MUC22: variants seen among roughly 807,000 people sequenced by gnomAD.
MUC22 encodes mucin-22.
MUC22 carries 24 observed loss-of-function variants against 40.3 expected under a neutral mutation model. The observed-to-expected ratio is 0.60, with a 90% CI of 0.43 to 0.84. The LOEUF is 0.84. MUC22 is among the 40% of genes least tolerant of loss of function. MUC22 has a pLI of 0.00. For synonymous variants in MUC22, 765 were observed against 844.5 expected (o/e 0.91, Z 1.63); for missense variants, 1,926 against 2,130.7 (o/e 0.90, Z 1.89).
chr6:31,029,220 T>C, exon 2 of MUC22: 1 of 1,535,362 alleles, frequency 6.5e-7, no homozygotes, highest in Non-Finnish European at 8.7e-7. Context: ...CCACAGGCTC[T>C]GAGACCACCA....
rs572018299 is a variant in MUC22 at position 31,027,803 on chromosome 6, C to T, written c.2372C>T (p.Thr791Ile). 17 of 1,534,572 alleles carry T rather than the reference C, an allele frequency of 1.1e-5. No homozygotes were observed. The African/African-American group carries it at 1.5e-4, about 14-fold the overall frequency. Reference sequence around the variant, plus strand: ...TCTGAGAACACTACAGTCTCCACCACAGGCTCTGAGACCACTACAGTTTCC... The same window carrying T: ...TCTGAGAACACTACAGTCTCCACCATAGGCTCTGAGACCACTACAGTTTCC... Residue 791 changes from threonine to isoleucine, a missense_variant, in exon 2 of 4, where the codon ACA becomes ATA. Transcript: ENST00000561890.
intron 3 of MUC22, among the ~76,000 whole-genome samples, chr6:31,033,912 C>T (rs1217376957): frequency 1.3e-5 from 2 of 152,222 alleles, no homozygotes; most frequent in African/African-American, 4.8e-5. Context: ...CTCAGCCTCT[C>T]TCCGTATGTG....
Position 31,032,285 on chromosome 6 carries a change from A to G in MUC22, c.4759A>G (p.Thr1587Ala), listed in dbSNP as rs2150811970. 6.5e-7 allele frequency: 1 copy of G among 1,535,630 alleles called. No homozygotes were observed. Among genetic ancestry groups the G allele is most frequent in the East Asian group, 2.4e-5 (1 of 40,912 alleles). The change falls in exon 3 of 4, where the codon ACT (threonine) becomes GCT (alanine). Residue 1587 changes from threonine to alanine, a missense_variant. Around this residue, in one of 3 missense-constraint regions of MUC22, gnomAD observed 610 missense variants for 714.6 expected, o/e 0.85. Transcript: ENST00000561890. The surrounding 1 kb of genome is among the most constrained non-coding windows in gnomAD (Gnocchi z 4.1). Reference sequence around the variant, plus strand: ...CTTCACGGCCTCTGCTGCCAGCCATACTGTGCCAGGAATAGTCTTAAACAC... The same window carrying G: ...CTTCACGGCCTCTGCTGCCAGCCATGCTGTGCCAGGAATAGTCTTAAACAC...
At chr6:31,016,462 G>A (rs911435624) in intron 1 of MUC22, among the ~76,000 whole-genome samples, 2 of 149,264 alleles carry the variant, frequency 1.3e-5, no homozygotes, top group Non-Finnish European at 3.0e-5. Flanking sequence ...TCTAGTGTTG[G>A]CTAATTTCTT....
chr6:31,013,287 C>T (rs745795614), intron 1 of MUC22, among the ~76,000 whole-genome samples: 2 of 151,896 alleles, frequency 1.3e-5, no homozygotes, highest in Non-Finnish European at 2.9e-5. Flanking sequence ...CCGCCACGCC[C>T]AGCTAATTTT....
In MUC22 at chr6:31,032,476, CGTG is replaced by C. The variant is rs1562625196; in HGVS notation, c.4951_4953del (p.Val1651del). On this transcript the variant is annotated inframe_deletion, in exon 3 of 4. Transcript: ENST00000561890. This position sits in a 1 kb window ranked among gnomAD's most constrained non-coding sequence, Gnocchi z 4.1. ...TTAGCATGAGCCACACACCCACAAA[CGTG>C]ATCAAACCAAGTGGATATTTACAGC... 3 of 1,535,604 alleles carry C rather than the reference CGTG, an allele frequency of 2.0e-6. No homozygotes were observed. Among genetic ancestry groups the C allele is most frequent in the Non-Finnish European group, 2.6e-6 (3 of 1,146,928 alleles).
Position 31,030,245 on chromosome 6 carries a change from C to A in MUC22, c.4669+145C>A, listed in dbSNP as rs113817080. ...ATAATTTCCTCTTCTAGGCTGGGCG[C>A]GGTGGCTCATGCCTGTAATCCCAGC... On this transcript the variant is annotated intron_variant, in intron 2 of 3. Transcript: ENST00000561890. 5.9e-3 allele frequency: 5,886 copies of A among 991,990 alleles called. 217 individuals carry two copies. The African/African-American group carries it at 0.08, about 14-fold the overall frequency. The allele number at this position is 991,990 out of a possible 1,614,324, so 61.4% of individuals were successfully genotyped here.
At chr6:31,034,429 G>A (rs1451602393) in intron 3 of MUC22, among the ~76,000 whole-genome samples, 1 of 152,182 alleles carries the variant, frequency 6.6e-6, no homozygotes, top group South Asian at 2.1e-4. Flanking sequence ...GCCTGAGTAC[G>A]CACATAAAGA....
chr6:31,027,215 C>A, exon 2 of MUC22: 1 of 1,502,374 alleles, frequency 6.7e-7, no homozygotes, highest in Non-Finnish European at 8.9e-7. Flanking sequence ...GGCTCTGAGA[C>A]CACCACAGTC....
At chr6:31,030,050 C>A in exon 2 of MUC22, 1 of 1,535,442 alleles carries the variant, frequency 6.5e-7, no homozygotes. Flanking sequence ...TTTGTACTCA[C>A]CAAGGCCACT....
chr6:31,026,960 C>A (rs1765439483), exon 2 of MUC22: 2 of 1,494,378 alleles, frequency 1.3e-6, no homozygotes, highest in Non-Finnish European at 1.8e-6. Context: ...GCAGCCTCTA[C>A]TGAAGATTCT....
exon 2 of MUC22, chr6:31,026,537 T>C: frequency 6.7e-7 from 1 of 1,482,850 alleles, no homozygotes; most frequent in Non-Finnish European, 8.9e-7. Context: ...ACCACCATGG[T>C]CTCTGCCATG....
Position 31,021,981 on chromosome 6 carries a change from C to A in MUC22, c.71-3521C>A, listed in dbSNP as rs180745722. On this transcript the variant is annotated intron_variant, in intron 1 of 3. Coordinates refer to ENST00000561890, the Ensembl canonical transcript of MUC22. ...AGGTCTGCAGCTTCACTCCTGAAGC[C>A]AGCGAGCCCACGAGCCCACTGAGAG... Among the ~76,000 whole-genome samples the A allele has an allele frequency of 7.7e-3, 1,163 of 151,856 alleles. 14 individuals carry two copies. Among genetic ancestry groups the A allele is most frequent in the African/African-American group, 0.026 (1,081 of 41,498 alleles).
intron 1 of MUC22, among the ~76,000 whole-genome samples, chr6:31,022,498 A>C (rs1198896412): frequency 6.6e-6 from 1 of 152,020 alleles, no homozygotes; most frequent in Non-Finnish European, 1.5e-5. Flanking sequence ...GGAAGAAAAA[A>C]TTTAGATCTA....
rs76267835 is a variant in MUC22 at position 31,021,374 on chromosome 6, G to A, written c.71-4128G>A. On this transcript the variant is annotated intron_variant, in intron 1 of 3. Coordinates refer to ENST00000561890, the Ensembl canonical transcript of MUC22. Reference sequence around the variant, plus strand: ...TTGTAAATACACCAATCGGCACTCTGTATCTAGCTCAAGGTTTGTAAACAC... The same window carrying A: ...TTGTAAATACACCAATCGGCACTCTATATCTAGCTCAAGGTTTGTAAACAC... 5.1e-3 allele frequency among the ~76,000 whole-genome samples: 646 copies of A among 127,786 alleles called. 1 individual carries two copies. The highest frequency in any genetic ancestry group is 9.0e-3 in the African/African-American group (276 of 30,728). 83.8% of individuals were successfully genotyped at this position (127,786 alleles called of 152,430 possible). A position where few individuals can be genotyped will look rare whatever the true frequency, so the allele number is the denominator to read the frequency against.
At chr6:31,025,473 C>T in intron 1 of MUC22, 29 bp from the exon 2 acceptor site, 1 of 1,463,852 alleles carries the variant, frequency 6.8e-7, no homozygotes, top group Non-Finnish European at 9.0e-7. Flanking sequence ...TTAACCCATT[C>T]CCACCACCTT....
chr6:31,025,726 A>ATGG, exon 2 of MUC22: 1 of 1,528,880 alleles, frequency 6.5e-7, no homozygotes, highest in Non-Finnish European at 8.8e-7. Flanking sequence ...GGCCTCCACC[A>ATGG]CAGACTCAGG....
At position 31,029,351 on chromosome 6, in the gene MUC22, C is replaced by G. The variant is rs1313375424; in HGVS notation, c.3920C>G (p.Thr1307Ser). The G allele has an allele frequency of 5.2e-6, 8 of 1,535,166 alleles. No individual in the cohort carries two copies. In the South Asian group the frequency reaches 9.5e-5, roughly 18 times the overall value. ...TATACCACAGGCTCTGAGACTACCA[C>G]CACCTCTACTGAAGGCTCTGAGACA... The change falls in exon 2 of 4, where the codon ACC becomes AGC. Residue 1307 changes from threonine to serine, a missense_variant. Physicochemically the swap from Thr to Ser is moderately conservative, Grantham distance 58. Around this residue, in one of 3 missense-constraint regions of MUC22, gnomAD observed 610 missense variants for 714.6 expected, o/e 0.85. Coordinates refer to ENST00000561890, the Ensembl canonical transcript of MUC22.
At chr6:31,028,527 T>G in exon 2 of MUC22, 1 of 1,533,208 alleles carries the variant, frequency 6.5e-7, no homozygotes, top group Non-Finnish European at 8.7e-7. Context: ...TCATGGGCTC[T>G]GAGACCACTA....
Sources: gnomAD v4.1 joint callset for allele counts (sites outside exome capture counted in the v4.1 genomes callset) on GRCh38, gnomAD v4.1.1 for gene constraint, gnomAD v4.1.1 regional missense constraint, Gnocchi (gnomAD v3.1) non-coding constraint, MANE v1.5 for transcripts, NCBI Gene and HGNC (gene_info 2026-07-23, HGNC 2026-07-21) for gene names.